Variants in CPA6 observed in about 807,000 individuals in gnomAD.
CPA6 encodes carboxypeptidase B.
Under a neutral mutation model 63.3 loss-of-function variants are expected in CPA6, and 58 were observed. That is an observed-to-expected ratio of 0.92 (90% confidence interval 0.74 to 1.14). CPA6 has a LOEUF of 1.14. CPA6 is among the 50% of genes most tolerant of loss of function. The pLI is 0.00. For missense variants in CPA6, 565 were observed against 526.6 expected, an observed-to-expected ratio of 1.07 and a Z score of -0.71; for synonymous variants, 185 against 179.0, an observed-to-expected ratio of 1.03 and a Z score of -0.27.
rs539416840 is a variant in CPA6 at position 67,492,491 on chromosome 8, G to C, written c.637-7702C>G. ...CTTTATAAGGTTTTTTTTTTACAAA[G>C]AAATAAGACATTTTAATTCACAGTA... On this transcript the variant is annotated intron_variant, in intron 6 of 10. Transcript: ENST00000297770. Among the ~76,000 whole-genome samples the C allele has an allele frequency of 8.6e-5, 13 of 151,672 alleles. No homozygotes were observed. The South Asian group carries it at 1.9e-3, about 22-fold the overall frequency.
chr8:67,581,429 T>C (rs529575336), intron 2 of CPA6, among the ~76,000 whole-genome samples: 4 of 152,332 alleles, frequency 2.6e-5, no homozygotes, highest in South Asian at 4.1e-4. Flanking sequence ...TCAAAGTATA[T>C]GCTGAGAAAG....
intron 1 of CPA6, among the ~76,000 whole-genome samples, chr8:67,644,022 A>G (rs1360695328): frequency 2.0e-5 from 3 of 152,150 alleles, no homozygotes; most frequent in Non-Finnish European, 4.4e-5. Context: ...AAAAAGAGAC[A>G]TCTTCCACTC....
intron 2 of CPA6, among the ~76,000 whole-genome samples, chr8:67,523,217 A>G (rs1286664968): frequency 6.6e-6 from 1 of 152,194 alleles, no homozygotes; most frequent in African/African-American, 2.4e-5. Context: ...ATGAATACAT[A>G]CACACAAAGT....
chr8:67,548,201 T>G, intron 2 of CPA6, among the ~76,000 whole-genome samples: 1 of 95,390 alleles, frequency 1.0e-5, no homozygotes, highest in South Asian at 4.0e-4. Context: ...TCCTTCCCCC[T>G]CCCCTCCCTT....
intron 6 of CPA6, among the ~76,000 whole-genome samples, chr8:67,486,226 G>C (rs1020240721): frequency 1.3e-5 from 2 of 152,164 alleles, no homozygotes; most frequent in African/African-American, 4.8e-5. Flanking sequence ...TTAATATGTT[G>C]GTTGGATTCA....
intron 8 of CPA6, among the ~76,000 whole-genome samples, chr8:67,444,052 T>C (rs922256966): frequency 1.3e-5 from 2 of 149,794 alleles, no homozygotes; most frequent in Non-Finnish European, 3.0e-5. Flanking sequence ...AGTGCAGTGG[T>C]GCAATCTCGG....
intron 2 of CPA6, among the ~76,000 whole-genome samples, chr8:67,583,212 A>G (rs1384848707): frequency 1.3e-5 from 2 of 152,112 alleles, no homozygotes; most frequent in Admixed American, 6.6e-5. Context: ...TTGTGCAACT[A>G]TGGGTGTTGG....
chr8:67,441,934 T>G (rs1311594237), intron 8 of CPA6, among the ~76,000 whole-genome samples: 1 of 152,108 alleles, frequency 6.6e-6, no homozygotes, highest in South Asian at 2.1e-4. Flanking sequence ...ATAACTAAAT[T>G]TTTTCACAAG....
intron 1 of CPA6, among the ~76,000 whole-genome samples, chr8:67,642,410 T>G (rs1342905628): frequency 6.6e-5 from 10 of 152,140 alleles, no homozygotes; most frequent in Non-Finnish European, 1.5e-5. Context: ...ACTGTAAGGA[T>G]GTCAGTTACC....
At chr8:67,707,951 A>G (rs1817171588) in intron 1 of CPA6, among the ~76,000 whole-genome samples, 1 of 151,996 alleles carries the variant, frequency 6.6e-6, no homozygotes, top group Non-Finnish European at 1.5e-5. Flanking sequence ...TTATAGAGCC[A>G]ATAAAAGATC....
chr8:67,496,847 C>T (rs891319460), intron 6 of CPA6, among the ~76,000 whole-genome samples: 13 of 152,142 alleles, frequency 8.5e-5, no homozygotes, highest in Admixed American at 8.5e-4. Flanking sequence ...GCGTGAGCCA[C>T]GGTGCCTGGC....
chr8:67,643,735 C>T (rs1257471707), intron 1 of CPA6, among the ~76,000 whole-genome samples: 1 of 152,108 alleles, frequency 6.6e-6, no homozygotes, highest in Admixed American at 6.5e-5. Context: ...TTTGTTAAAA[C>T]TTGCATATAT....
At chr8:67,561,066 A>G (rs1348991168) in intron 2 of CPA6, among the ~76,000 whole-genome samples, 1 of 152,154 alleles carries the variant, frequency 6.6e-6, no homozygotes, top group Non-Finnish European at 1.5e-5. Flanking sequence ...TTCATCTTAC[A>G]TGGAGCAGTC....
intron 2 of CPA6, among the ~76,000 whole-genome samples, chr8:67,616,988 G>A (rs1410575772): frequency 6.6e-6 from 1 of 152,140 alleles, no homozygotes; most frequent in Non-Finnish European, 1.5e-5. Context: ...CTCAGGAATG[G>A]CCAATACTAC....
chr8:67,730,529 G>A (rs756549517), intron 1 of CPA6, among the ~76,000 whole-genome samples: 33 of 152,166 alleles, frequency 2.2e-4, no homozygotes, highest in Non-Finnish European at 4.4e-4. Flanking sequence ...TCAAACTGCA[G>A]TCCCTTTTAC....
At chr8:67,614,381 G>A (rs946579566) in intron 2 of CPA6, among the ~76,000 whole-genome samples, 7 of 152,208 alleles carry the variant, frequency 4.6e-5, no homozygotes, top group Non-Finnish European at 8.8e-5. Context: ...AACCCAAGAA[G>A]TATTGTCACC....
chr8:67,607,234 CT>C lies in CPA6; in HGVS notation c.192+16941del, dbSNP rs1564021432. On this transcript the variant is annotated intron_variant, in intron 2 of 10. Transcript: ENST00000297770. ...TCTTCTTCTTCTTCTTCTTCTTCTT[CT>C]TCTTCTTCTTCTTCTTCTCCTCCTC... 3.0e-3 allele frequency among the ~76,000 whole-genome samples: 358 copies of C among 117,654 alleles called. 30 individuals are homozygous for C. The highest frequency in any genetic ancestry group is 4.5e-3 in the East Asian group (18 of 3,992). 77.2% of individuals were successfully genotyped at this position (117,654 alleles called of 152,430 possible). A position where few individuals can be genotyped will look rare whatever the true frequency, so the allele number is the denominator to read the frequency against.
At chr8:67,648,036 C>T (rs1170758183) in intron 1 of CPA6, among the ~76,000 whole-genome samples, 1 of 152,146 alleles carries the variant, frequency 6.6e-6, no homozygotes, top group Non-Finnish European at 1.5e-5. Context: ...TATTAATCTG[C>T]CTTTGTCAGT....
intron 2 of CPA6, among the ~76,000 whole-genome samples, chr8:67,570,950 G>A (rs1007545920): frequency 6.6e-6 from 1 of 152,122 alleles, no homozygotes; most frequent in Admixed American, 6.5e-5. Context: ...ATCTACAAGA[G>A]ATTCACTTCA....
Sources: allele counts gnomAD v4.1 joint callset (sites outside exome capture counted in the v4.1 genomes callset), GRCh38; gene constraint gnomAD v4.1.1; transcripts MANE v1.5; gene names NCBI Gene and HGNC (gene_info 2026-07-23, HGNC 2026-07-21).